Variants in CFDP1 observed in about 807,000 individuals in gnomAD.
CFDP1 encodes chromatin remodeling protein CFDP1.
A neutral mutation model predicts 40.1 loss-of-function variants in CFDP1; 31 were observed. The observed-to-expected ratio is 0.77, with a 90% CI of 0.58 to 1.04. CFDP1 has a LOEUF of 1.04. Ranked by LOEUF, CFDP1 falls within the 50% of genes least tolerant of loss-of-function variation. CFDP1 has a pLI of 0.00. For synonymous variants in CFDP1, 167 were observed against 120.0 expected, an observed-to-expected ratio of 1.39 and a Z score of -2.56; for missense variants, 423 against 343.4, an observed-to-expected ratio of 1.23 and a Z score of -1.83.
intron 4 of CFDP1, among the ~76,000 whole-genome samples, chr16:75,406,280 G>C (rs1191359898): frequency 1.3e-5 from 2 of 152,158 alleles, no homozygotes; most frequent in Non-Finnish European, 2.9e-5. Context: ...GGGAGGCTGA[G>C]GTGAAAGGAT....
At chr16:75,336,826 ACCT>A (rs1436855131) in intron 5 of CFDP1, among the ~76,000 whole-genome samples, 1 of 152,142 alleles carries the variant, frequency 6.6e-6, no homozygotes, top group Non-Finnish European at 1.5e-5. Flanking sequence ...GAAAAATGGC[ACCT>A]CCTTGTCATT....
chr16:75,340,456 C>T (rs567441298), intron 5 of CFDP1, among the ~76,000 whole-genome samples: 1 of 152,112 alleles, frequency 6.6e-6, no homozygotes, highest in African/African-American at 2.4e-5. Flanking sequence ...TCATTATTTC[C>T]CTCCACACTA....
At chr16:75,429,198 GA>G (rs1187068426) in intron 1 of CFDP1, among the ~76,000 whole-genome samples, 1 of 152,144 alleles carries the variant, frequency 6.6e-6, no homozygotes, top group East Asian at 1.9e-4. Context: ...ACATTGAGCA[GA>G]AATCAGTAAC....
intron 1 of CFDP1, among the ~76,000 whole-genome samples, chr16:75,428,259 G>A (rs903963495): frequency 3.9e-5 from 6 of 152,044 alleles, no homozygotes; most frequent in Admixed American, 2.0e-4. Flanking sequence ...TTGTATGTAA[G>A]TTAAAAATTG....
chr16:75,351,474 G>A (rs867906566), intron 5 of CFDP1, among the ~76,000 whole-genome samples: 5 of 152,114 alleles, frequency 3.3e-5, no homozygotes, highest in Non-Finnish European at 7.4e-5. Context: ...GACTATTAAG[G>A]TCACTATCAA....
chr16:75,408,924 C>A (rs1036081034), intron 4 of CFDP1, among the ~76,000 whole-genome samples: 1 of 151,948 alleles, frequency 6.6e-6, no homozygotes, highest in Non-Finnish European at 1.5e-5. Context: ...GTGGTACGAT[C>A]TCGGCTCACT....
chr16:75,425,390 C>CAAAAAAA (rs34282121), intron 1 of CFDP1, among the ~76,000 whole-genome samples: 2 of 99,032 alleles, frequency 2.0e-5, no homozygotes, highest in African/African-American at 4.2e-5. Context: ...CCATCCCCCT[C>CAAAAAAA]AAAAAAAAAA....
intron 5 of CFDP1, among the ~76,000 whole-genome samples, chr16:75,349,650 C>CAAAAAA (rs61472076): frequency 4.3e-5 from 1 of 23,244 alleles, no homozygotes; most frequent in Non-Finnish European, 8.4e-5. Context: ...GACTCCGTCT[C>CAAAAAA]AAAAAAAAAA....
intron 5 of CFDP1, among the ~76,000 whole-genome samples, chr16:75,388,920 C>CTTTT (rs35626913): frequency 6.8e-6 from 1 of 146,382 alleles, no homozygotes. Context: ...ACATTAAGGC[C>CTTTT]TTTTTTTTTT....
At chr16:75,396,329 T>A (rs1415891664) in intron 4 of CFDP1, among the ~76,000 whole-genome samples, 1 of 103,336 alleles carries the variant, frequency 9.7e-6, no homozygotes, top group African/African-American at 2.9e-5. Flanking sequence ...CACGAAGTCA[T>A]GAGTTTGAGA....
At chr16:75,420,890 A>C (rs1031232864) in intron 1 of CFDP1, among the ~76,000 whole-genome samples, 1 of 152,156 alleles carries the variant, frequency 6.6e-6, no homozygotes, top group Non-Finnish European at 1.5e-5. Flanking sequence ...TGCATTTTCT[A>C]ATTTTCTATA....
intron 5 of CFDP1, among the ~76,000 whole-genome samples, chr16:75,353,257 G>A: frequency 6.6e-6 from 1 of 152,078 alleles, no homozygotes; most frequent in Non-Finnish European, 1.5e-5. Flanking sequence ...CACTGACTGG[G>A]TATTTGGTAA....
intron 5 of CFDP1, among the ~76,000 whole-genome samples, chr16:75,352,007 C>CAAAAAAA (rs3975153): frequency 9.2e-5 from 8 of 86,784 alleles, no homozygotes; most frequent in South Asian, 4.0e-4. Flanking sequence ...GACTCTGTCT[C>CAAAAAAA]AAAAAAAAAA....
chr16:75,334,335 G>A (rs558080416), intron 5 of CFDP1, among the ~76,000 whole-genome samples: 2 of 151,738 alleles, frequency 1.3e-5, no homozygotes, highest in Admixed American at 1.3e-4. Context: ...AAAGGACCGG[G>A]AAAGACGATG....
chr16:75,311,333 G>A (rs2078291511), intron 5 of CFDP1, among the ~76,000 whole-genome samples: 1 of 152,132 alleles, frequency 6.6e-6, no homozygotes, highest in African/African-American at 2.4e-5. Flanking sequence ...GTACAGACAG[G>A]GATCTTGCTA....
chr16:75,402,000 A>T (rs469176), intron 4 of CFDP1, among the ~76,000 whole-genome samples: 141,363 of 152,252 alleles, frequency 0.93, 65,647 homozygotes, highest in East Asian at 1. Context: ...GTATCTCTCA[A>T]AATTTCTTAG....
chr16:75,397,444 T>C (rs1202512416), intron 4 of CFDP1, among the ~76,000 whole-genome samples: 1 of 151,946 alleles, frequency 6.6e-6, no homozygotes, highest in Non-Finnish European at 1.5e-5. Flanking sequence ...AGGCAGAGGT[T>C]GCAGTGAGCC....
intron 5 of CFDP1, among the ~76,000 whole-genome samples, chr16:75,337,652 G>A (rs1274683779): frequency 6.6e-6 from 1 of 152,152 alleles, no homozygotes; most frequent in Non-Finnish European, 1.5e-5. Context: ...AGGCAAGCAC[G>A]TCTTACATGG....
chr16:75,363,972 C>CACAG (rs1444591975), intron 5 of CFDP1, among the ~76,000 whole-genome samples: 6 of 151,736 alleles, frequency 4.0e-5, no homozygotes, highest in African/African-American at 1.2e-4. Flanking sequence ...CACACACACA[C>CACAG]AGCCATGCAA....
Sources: gnomAD v4.1 joint callset for allele counts (sites outside exome capture counted in the v4.1 genomes callset) on GRCh38, gnomAD v4.1.1 for gene constraint, MANE v1.5 for transcripts, NCBI Gene and HGNC (gene_info 2026-07-23, HGNC 2026-07-21) for gene names.